Variants in GREB1 observed in about 807,000 individuals in gnomAD.
GREB1 encodes the protein growth regulating estrogen receptor binding 1, also known as protein GREB1.
A neutral mutation model predicts 200.7 loss-of-function variants in GREB1; 106 were observed. That is an observed-to-expected ratio of 0.53 (90% CI 0.45 to 0.62). GREB1 has a LOEUF of 0.62. Ranked by LOEUF, GREB1 falls within the 20% of genes least tolerant of loss-of-function variation. The pLI, the probability that GREB1 is intolerant of heterozygous loss-of-function variation, is 0.00. For missense variants in GREB1, 2,243 were observed against 2,556.8 expected (o/e 0.88, Z 2.65); for synonymous variants, 1,132 against 1,092.4 (o/e 1.04, Z -0.72).
chr2:11,561,823 A>C (rs1211885178), intron 2 of GREB1: 1 of 152,576 alleles, frequency 6.6e-6, no homozygotes, highest in Admixed American at 6.5e-5. Context: ...AAAGCTGTTC[A>C]TACTACCTAT....
intron 4 of GREB1, among the ~76,000 whole-genome samples, chr2:11,570,167 G>C (rs1248748085): frequency 2.6e-5 from 4 of 152,076 alleles, no homozygotes; most frequent in African/African-American, 9.7e-5. Flanking sequence ...CCAGTACTTT[G>C]GGAGGCTGCG....
At chr2:11,503,035 G>A (rs1419932136) in intron 1 of GREB1, among the ~76,000 whole-genome samples, 1 of 152,212 alleles carries the variant, frequency 6.6e-6, no homozygotes, top group African/African-American at 2.4e-5. Flanking sequence ...CTGCAGAGGT[G>A]CCTGGTAAAA....
intron 10 of GREB1, among the ~76,000 whole-genome samples, 178 bp downstream of exon 10, chr2:11,589,109 GC>G (rs1383975234): frequency 2.0e-5 from 3 of 152,228 alleles, no homozygotes; most frequent in Non-Finnish European, 4.4e-5. Flanking sequence ...ACACTGGGGG[GC>G]TGAAAGTAGG....
chr2:11,612,821 C>T lies in GREB1; in HGVS notation c.3122+211C>T, dbSNP rs146238267. On this transcript the variant is annotated intron_variant, in intron 19 of 32. Transcript: ENST00000381486. ...CCCCTTCTCCTGATTCTCAGAAAGG[C>T]GCTGTTTGGGCTCGTGGTGACGGCT... Among the ~76,000 whole-genome samples, 571 of 152,316 alleles carry T rather than the reference C, an allele frequency of 3.7e-3. 2 individuals carry two copies. Among genetic ancestry groups the T allele is most frequent in the African/African-American group, 0.013 (526 of 41,572 alleles).
Position 11,637,933 on chromosome 2 carries a change from G to A in GREB1, c.5547+17G>A, listed in dbSNP as rs752444949. 2 of 1,599,738 alleles carry A rather than the reference G, an allele frequency of 1.3e-6. No homozygotes were observed. The highest frequency in any genetic ancestry group is 1.7e-6 in the Non-Finnish European group (2 of 1,167,834). ...GGATCTCAGGTGACTTTCAGAGGGG[G>A]TGCTGTCGAATCCCTAATTCAGAGA... is the stretch of plus-strand genomic sequence containing the variant. On this transcript the variant is annotated intron_variant, in intron 31 of 32. Transcript: ENST00000381486.
intron 1 of GREB1, among the ~76,000 whole-genome samples, chr2:11,539,262 G>A (rs1362561628): frequency 6.6e-6 from 1 of 151,808 alleles, no homozygotes; most frequent in African/African-American, 2.4e-5. Flanking sequence ...TGTTGCCCAG[G>A]CTGGTTTCCC....
chr2:11,627,173 C>T (rs191076412), intron 25 of GREB1, 69 bp downstream of exon 25: 59 of 1,387,444 alleles, frequency 4.3e-5, no homozygotes, highest in Admixed American at 1.3e-4. Flanking sequence ...TGCTCTCTCA[C>T]GCTTTCATTC....
Position 11,641,976 on chromosome 2 carries a change from A to C in GREB1, c.*1522A>C, listed in dbSNP as rs1183671819. The stretch of plus-strand genomic sequence containing the variant: ...CACTGCTGGAAAGAGCTAGAAGCAC[A>C]GTTCAAAGTTCTGGCTTCTGGACTC... On this transcript the variant is annotated 3_prime_UTR_variant, in exon 33 of 33. Coordinates refer to ENST00000381486, the MANE Select transcript of GREB1 (RefSeq NM_014668.4). The C allele has an allele frequency of 6.6e-6, 1 of 152,238 alleles. No homozygotes were observed. The highest frequency in any genetic ancestry group is 1.5e-5 in the Non-Finnish European group (1 of 68,044). The allele number at this position is 152,238 out of a possible 1,614,324, so 9.4% of individuals were successfully genotyped here. A position where few individuals can be genotyped will look rare whatever the true frequency, so the allele number is the denominator to read the frequency against.
In GREB1 at chr2:11,640,532, C is replaced by T. The variant is rs1408065246; in HGVS notation, c.*78C>T. 1.4e-5 allele frequency: 22 copies of T among 1,525,254 alleles called. No homozygotes were observed. The highest frequency in any genetic ancestry group is 7.0e-5 in the Admixed American group (4 of 57,424). The allele number at this position is 1,525,254 out of a possible 1,614,324, so 94.5% of individuals were successfully genotyped here. ...GTTGAGGCTAAAGGGAGGCCTGGAA[C>T]GGTGGGGCGTTTGACTGGAATGGAC... is the stretch of plus-strand genomic sequence containing the variant. On this transcript the variant is annotated 3_prime_UTR_variant, in exon 33 of 33. Coordinates refer to ENST00000381486, the MANE Select transcript of GREB1 (RefSeq NM_014668.4). This position sits in a 1 kb window ranked among gnomAD's most constrained non-coding sequence, Gnocchi z 4.6.
In GREB1 at chr2:11,492,120, G is replaced by T. The variant is rs1341301555; in HGVS notation, c.-159+9739G>T. Among the ~76,000 whole-genome samples the T allele has an allele frequency of 6.6e-6, 1 of 152,108 alleles. No homozygotes were observed. The highest frequency in any genetic ancestry group is 1.9e-4 in the East Asian group (1 of 5,188). ...AGCCGTCTGGTTGACTCCCTGCCTG[G>T]CTACCATGCATCGTTTCCATGGTCA... is the stretch of plus-strand genomic sequence containing the variant. On this transcript the variant is annotated intron_variant, in intron 1 of 2. Coordinates refer to the GREB1 transcript ENST00000628795. This position sits in a 1 kb window ranked among gnomAD's most constrained non-coding sequence, Gnocchi z 4.0.
chr2:11,598,697 G>A lies in GREB1; in HGVS notation c.2170G>A (p.Gly724Ser). The A allele has an allele frequency of 6.2e-7, 1 of 1,614,108 alleles. No homozygotes were observed. The highest frequency in any genetic ancestry group is 8.5e-7 in the Non-Finnish European group (1 of 1,179,988). Residue 724 changes from glycine (G) to serine (S), a missense_variant, in exon 15 of 33, where the codon GGT (glycine) becomes AGT (serine). Physicochemically the swap from Gly to Ser is moderately conservative, Grantham distance 56. This residue lies in a region of GREB1 where 1,178 missense variants were observed against 1,387.4 expected (regional missense o/e 0.85). Coordinates refer to ENST00000381486, the MANE Select transcript of GREB1 (RefSeq NM_014668.4). ...TGTTGCAGGGGTTTTGCTGGAGCTT[G>A]GTCTGAAGAAAGAGCACATGACGAA... ...VWHSGVLLEL[G>S]LKKEHMTKQR...
At chr2:11,552,215 G>A (rs1481306922) in intron 1 of GREB1, among the ~76,000 whole-genome samples, 1 of 152,230 alleles carries the variant, frequency 6.6e-6, no homozygotes, top group Non-Finnish European at 1.5e-5. Flanking sequence ...AGATTCTGTA[G>A]TTGAAGAGCA....
At chr2:11,487,989 C>T (rs960816515) in intron 1 of GREB1, among the ~76,000 whole-genome samples, 2 of 152,120 alleles carry the variant, frequency 1.3e-5, no homozygotes, top group African/African-American at 2.4e-5. Context: ...AGAGGTGGTT[C>T]GCCTCTCGGG....
chr2:11,494,006 A>G (rs1672824541), intron 1 of GREB1, among the ~76,000 whole-genome samples: 2 of 152,258 alleles, frequency 1.3e-5, no homozygotes, highest in South Asian at 4.1e-4. Flanking sequence ...TCCCGAGTCC[A>G]GGTACCTTAC....
chr2:11,499,727 G>A (rs1672978930), intron 1 of GREB1, among the ~76,000 whole-genome samples: 1 of 152,182 alleles, frequency 6.6e-6, no homozygotes, highest in Admixed American at 6.5e-5. Flanking sequence ...CATGACTGTT[G>A]TTAGCATTTT....
At chr2:11,484,838 GT>G (rs1046511779) in intron 1 of GREB1, among the ~76,000 whole-genome samples, 3 of 152,024 alleles carry the variant, frequency 2.0e-5, no homozygotes, top group Non-Finnish European at 4.4e-5. Flanking sequence ...GGTTTAAATA[GT>G]TTTTTTTGTT....
At chr2:11,596,911 C>T (rs1261604813) in intron 13 of GREB1, among the ~76,000 whole-genome samples, 3 of 44,668 alleles carry the variant, frequency 6.7e-5, no homozygotes, top group African/African-American at 2.9e-4. Context: ...GTGGGGGCAC[C>T]AGTGTGTACA....
chr2:11,511,766 CTGTT>C (rs1169461521), intron 1 of GREB1, among the ~76,000 whole-genome samples: 1 of 152,140 alleles, frequency 6.6e-6, no homozygotes, highest in East Asian at 1.9e-4. Context: ...AACACTCAGC[CTGTT>C]TGCCCTGTAT....
At position 11,595,433 on chromosome 2, in the gene GREB1, G is replaced by A. The variant is rs1012716751; in HGVS notation, c.1825+54G>A. The A allele has an allele frequency of 3.6e-5, 56 of 1,569,876 alleles. No individual in the cohort carries two copies. The Middle Eastern group carries it at 6.5e-4, about 18-fold the overall frequency. ...GCGTATGTTAATAGGACAGTAATCA[G>A]TGCCGGGGGAGGTCATCTCTGCCTC... On this transcript the variant is annotated intron_variant, in intron 12 of 32. Transcript: ENST00000381486.
Sources: gnomAD v4.1 joint callset for allele counts (sites outside exome capture counted in the v4.1 genomes callset) on GRCh38, gnomAD v4.1.1 for gene constraint, gnomAD v4.1.1 regional missense constraint, Gnocchi (gnomAD v3.1) non-coding constraint, MANE v1.5 for transcripts, NCBI Gene and HGNC (gene_info 2026-07-23, HGNC 2026-07-21) for gene names.